Variants in GRIN1 observed in about 807,000 individuals in gnomAD.
The protein encoded by GRIN1 is glutamate receptor ionotropic, NMDA 1.
A neutral mutation model predicts 103.0 loss-of-function variants in GRIN1; 38 were observed. That is an observed-to-expected ratio of 0.37 (90% CI 0.28 to 0.48). The LOEUF is 0.48. Ranked by LOEUF, GRIN1 falls within the 20% of genes least tolerant of loss-of-function variation. The probability of loss-of-function intolerance (pLI) is 0.98; values close to 1 mark genes in which losing one functional copy is unlikely to be tolerated. For missense variants in GRIN1, 577 were observed against 1,288.9 expected (o/e 0.45, Z 8.46); for synonymous variants, 544 against 532.7 (o/e 1.02, Z -0.29).
intron 19 of GRIN1, 60 bp from the exon 20 acceptor site, chr9:137,167,351 G>C: frequency 7.5e-7 from 1 of 1,332,708 alleles, no homozygotes; most frequent in Non-Finnish European, 1.1e-6. Flanking sequence ...GGCGCTGAGG[G>C]CTGGGGTCCC....
intron 1 of GRIN1, among the ~76,000 whole-genome samples, chr9:137,140,159 C>A (rs1049180733): frequency 2.6e-5 from 4 of 152,212 alleles, no homozygotes; most frequent in Non-Finnish European, 5.9e-5. Flanking sequence ...GTTCTCCTGC[C>A]CTTTCTTTCG....
intron 3 of GRIN1, among the ~76,000 whole-genome samples, chr9:137,148,746 G>A (rs191486928): frequency 8.5e-5 from 13 of 152,360 alleles, no homozygotes; most frequent in Admixed American, 2.0e-4. Context: ...GAGTGAGGTG[G>A]AGAGAGAGAT....
At chr9:137,149,204 G>A (rs940400322) in intron 4 of GRIN1, 95 bp downstream of exon 4, 8 of 877,498 alleles carry the variant, frequency 9.1e-6, no homozygotes, top group Non-Finnish European at 1.1e-5. Context: ...GTTGGGCACA[G>A]TGACCTTCAG....
intron 3 of GRIN1, among the ~76,000 whole-genome samples, chr9:137,147,244 C>T (rs1261161379): frequency 6.6e-6 from 1 of 152,112 alleles, no homozygotes; most frequent in Non-Finnish European, 1.5e-5. Context: ...CATGCAGCTC[C>T]AGCGCCACAC....
Position 137,142,053 on chromosome 9 carries a change from A to T in GRIN1, c.299A>T (p.Asp100Val). 6.2e-7 allele frequency: 1 copy of T among 1,613,780 alleles called. No homozygotes were observed. The highest frequency in any genetic ancestry group is 8.5e-7 in the Non-Finnish European group (1 of 1,179,886). The change falls in exon 2 of 20, where the codon GAC (aspartate) becomes GTC (valine). Residue 100 changes from aspartate to valine, a missense_variant. This residue lies in a region of GRIN1 where 308 missense variants were observed against 553.6 expected (regional missense o/e 0.56). Transcript: ENST00000371561. ...ILVSHPPTPN[D>V]HFTPTPVSYT... ...GTTAGCCATCCACCTACCCCCAACG[A>T]CCACTTCACTCCCACCCCTGTCTCC... is the stretch of plus-strand genomic sequence containing the variant.
intron 8 of GRIN1, 113 bp from the exon 9 acceptor site, chr9:137,160,943 G>C: frequency 7.4e-7 from 1 of 1,343,570 alleles, no homozygotes; most frequent in South Asian, 1.2e-5. Flanking sequence ...GGGGTGTGAG[G>C]GGTGCGTCGG....
chr9:137,161,206 G>A lies in GRIN1; in HGVS notation c.1339+9G>A. ...CACGTCGCCGGGCAGCCGTGAGTGC[G>A]CGGGGCAGGGCGCGGGGCGCGGGGC... On this transcript the variant is annotated intron_variant, in intron 9 of 19. Transcript: ENST00000371561. 6.2e-7 allele frequency: 1 copy of A among 1,605,596 alleles called. No homozygotes were observed. Among genetic ancestry groups the A allele is most frequent in the Non-Finnish European group, 8.5e-7 (1 of 1,176,332 alleles).
At chr9:137,140,611 C>T (rs1367264330) in intron 1 of GRIN1, among the ~76,000 whole-genome samples, 2 of 152,250 alleles carry the variant, frequency 1.3e-5, no homozygotes, top group African/African-American at 4.8e-5. Flanking sequence ...TGCTCATGTG[C>T]CACACACGGC....
intron 4 of GRIN1, among the ~76,000 whole-genome samples, chr9:137,156,011 A>G (rs1731374531): frequency 6.6e-6 from 1 of 152,156 alleles, no homozygotes; most frequent in Admixed American, 6.5e-5. Context: ...CTCATTTCAC[A>G]TGTTTGAACA....
intron 2 of GRIN1, among the ~76,000 whole-genome samples, chr9:137,144,547 T>G (rs183931765): frequency 6.6e-6 from 1 of 151,338 alleles, no homozygotes; most frequent in Non-Finnish European, 1.5e-5. Flanking sequence ...CTCAGCTACT[T>G]GGGAGGCTGA....
intron 19 of GRIN1, 42 bp from the exon 20 acceptor site, chr9:137,167,369 C>G: frequency 6.7e-7 from 1 of 1,481,898 alleles, no homozygotes; most frequent in Non-Finnish European, 9.2e-7. Context: ...CCCTGGCGGC[C>G]GGCGGGGCCA....
Position 137,167,556 on chromosome 9 carries a change from TC to T in GRIN1, c.*34del. On this transcript the variant is annotated 3_prime_UTR_variant, in exon 20 of 20. Transcript: ENST00000371561. Reference sequence around the variant, plus strand: ...TCCCCGCCCGCCCTCCTCTGCCCCCTCCCCCGCAGACAGACAGACAGACGGA... The same window carrying T: ...TCCCCGCCCGCCCTCCTCTGCCCCCTCCCCGCAGACAGACAGACAGACGGA... The T allele has an allele frequency of 1.2e-6, 1 of 854,938 alleles. No homozygotes were observed. Among genetic ancestry groups the T allele is most frequent in the Non-Finnish European group, 1.7e-6 (1 of 600,556 alleles). 53.0% of individuals were successfully genotyped at this position (854,938 alleles called of 1,614,324 possible).
intron 1 of GRIN1, among the ~76,000 whole-genome samples, chr9:137,141,693 C>G (rs552380437): frequency 6.6e-6 from 1 of 152,306 alleles, no homozygotes; most frequent in Non-Finnish European, 1.5e-5. Flanking sequence ...GCCATCCTCC[C>G]CGGTCCACCT....
chr9:137,161,906 G>A lies in GRIN1; in HGVS notation c.1468-18G>A, dbSNP rs200055116. 32 of 1,551,174 alleles carry A rather than the reference G, an allele frequency of 2.1e-5. No individual in the cohort carries two copies. Among genetic ancestry groups the A allele is most frequent in the Non-Finnish European group, 2.7e-5 (31 of 1,148,342 alleles). On this transcript the variant is annotated intron_variant, in intron 10 of 19. Transcript: ENST00000371561. ...GGAGGACGCTGCCTGCATGCCCGCCGGCTCTGTCGCCTCGCAGGTGAACAA... is the reference window on the plus strand; with the variant it reads ...GGAGGACGCTGCCTGCATGCCCGCCAGCTCTGTCGCCTCGCAGGTGAACAA...
chr9:137,165,424 C>T (rs530324537), intron 19 of GRIN1, 128 bp downstream of exon 19: 24 of 719,150 alleles, frequency 3.3e-5, no homozygotes, highest in South Asian at 1.3e-4. Flanking sequence ...CTCCCTGTGG[C>T]GGCCGCTCTG....
chr9:137,151,804 T>C lies in GRIN1; in HGVS notation c.671+2695T>C, dbSNP rs972791434. Among the ~76,000 whole-genome samples the C allele has an allele frequency of 1.3e-5, 2 of 151,940 alleles. 1 individual carries two copies. The highest frequency in any genetic ancestry group is 4.8e-5 in the African/African-American group (2 of 41,350). ...CCTCAGCCTCCCGAGTAGCTGGGAC[T>C]ACAGGCACAAGCCACCACACCCGGC... On this transcript the variant is annotated intron_variant, in intron 4 of 19. Transcript: ENST00000371561.
At chr9:137,156,528 C>T (rs1052989495) in intron 4 of GRIN1, 141 bp from the exon 5 acceptor site, 16 of 1,233,642 alleles carry the variant, frequency 1.3e-5, no homozygotes, top group African/African-American at 3.0e-5. Flanking sequence ...GCCGCAGCGC[C>T]TCTGCGAGGT....
intron 4 of GRIN1, among the ~76,000 whole-genome samples, chr9:137,149,491 G>T (rs1037306019): frequency 7.2e-5 from 11 of 152,240 alleles, no homozygotes; most frequent in African/African-American, 2.7e-4. Context: ...TGATGTGCAG[G>T]TGTGCCAGGC....
chr9:137,147,598 C>T (rs993474398), intron 3 of GRIN1, among the ~76,000 whole-genome samples: 2 of 152,222 alleles, frequency 1.3e-5, no homozygotes, highest in African/African-American at 2.4e-5. Context: ...CACCCACAGG[C>T]GCATGCCACC....
Sources: allele counts gnomAD v4.1 joint callset (sites outside exome capture counted in the v4.1 genomes callset), GRCh38; gene constraint gnomAD v4.1.1; regional missense constraint gnomAD v4.1.1; transcripts MANE v1.5; gene names NCBI Gene and HGNC (gene_info 2026-07-23, HGNC 2026-07-21).